Variants in DMRT1 observed in about 807,000 individuals in gnomAD.
DMRT1 encodes the protein doublesex and mab-3 related transcription factor 1.
DMRT1 carries 7 observed loss-of-function variants against 32.3 expected under a neutral mutation model. The ratio of observed to expected loss-of-function variants is 0.22; its 90% CI spans 0.12 to 0.41. The LOEUF is 0.41. Among genes scored for constraint, DMRT1 ranks in the 10% least tolerant of loss-of-function variants. DMRT1 has a pLI of 1.00. For synonymous variants in DMRT1, 278 were observed against 206.1 expected (o/e 1.35, Z -2.99); for missense variants, 625 against 500.5 (o/e 1.25, Z -2.37).
intron 4 of DMRT1, among the ~76,000 whole-genome samples, chr9:919,483 T>C (rs1818288254): frequency 6.6e-6 from 1 of 152,180 alleles, no homozygotes; most frequent in African/African-American, 2.4e-5. Flanking sequence ...TTTAATGCTT[T>C]TCTTTGTAAA....
chr9:895,846 C>T (rs1196445607), intron 3 of DMRT1, among the ~76,000 whole-genome samples: 3 of 148,164 alleles, frequency 2.0e-5, no homozygotes, highest in East Asian at 2.0e-4. Flanking sequence ...TGCTCTGTCA[C>T]CCAGCTGGAG....
chr9:930,505 G>A (rs895196764), intron 4 of DMRT1, among the ~76,000 whole-genome samples: 4 of 151,722 alleles, frequency 2.6e-5, no homozygotes, highest in African/African-American at 7.3e-5. Context: ...TCCGCCTCTC[G>A]GGTTCATGCC....
At chr9:935,247 T>G (rs1221079210) in intron 4 of DMRT1, among the ~76,000 whole-genome samples, 1 of 152,212 alleles carries the variant, frequency 6.6e-6, no homozygotes, top group African/African-American at 2.4e-5. Flanking sequence ...CCCTATATCC[T>G]CTAGTGTCCT....
chr9:906,917 T>C (rs1817797150), intron 3 of DMRT1, among the ~76,000 whole-genome samples: 1 of 152,232 alleles, frequency 6.6e-6, no homozygotes, highest in Non-Finnish European at 1.5e-5. Flanking sequence ...CCAAGTTATT[T>C]GATCTCTCTG....
At chr9:862,270 C>T (rs976391390) in intron 2 of DMRT1, among the ~76,000 whole-genome samples, 1 of 152,308 alleles carries the variant, frequency 6.6e-6, no homozygotes, top group East Asian at 1.9e-4. Flanking sequence ...GAGGCCGAGG[C>T]TGGCAGACCA....
At chr9:873,903 A>T (rs531325086) in intron 2 of DMRT1, among the ~76,000 whole-genome samples, 1 of 152,224 alleles carries the variant, frequency 6.6e-6, no homozygotes, top group Non-Finnish European at 1.5e-5. Flanking sequence ...TACTCCCCCC[A>T]AAATTCAATT....
intron 4 of DMRT1, among the ~76,000 whole-genome samples, chr9:930,651 G>A (rs1011775016): frequency 1.3e-5 from 2 of 151,912 alleles, no homozygotes; most frequent in Non-Finnish European, 2.9e-5. Flanking sequence ...CTCGTGATCT[G>A]CCTGCCTCAG....
At chr9:923,354 TG>T (rs942888316) in intron 4 of DMRT1, among the ~76,000 whole-genome samples, 20 of 152,120 alleles carry the variant, frequency 1.3e-4, no homozygotes, top group African/African-American at 4.8e-4. Context: ...ATTCTGTACG[TG>T]GAATCTGAAT....
Position 893,942 on chromosome 9 carries a change from C to T in DMRT1, c.569C>T (p.Ala190Val), listed in dbSNP as rs1586579008. 6.2e-7 allele frequency: 1 copy of T among 1,614,162 alleles called. No individual in the cohort carries two copies. The highest frequency in any genetic ancestry group is 2.2e-5 in the East Asian group (1 of 44,886). ...EGRMVIQDIP[A>V]VTSRGHVENT... is the part of the protein sequence containing the mutation. Reference sequence around the variant, plus strand: ...CGTATGGTCATCCAGGATATTCCTGCTGTCACCAGCAGAGGGCATGTGGAG... The same window carrying T: ...CGTATGGTCATCCAGGATATTCCTGTTGTCACCAGCAGAGGGCATGTGGAG... Residue 190 changes from alanine to valine, a missense_variant, in exon 3 of 5, where the codon GCT (alanine) becomes GTT (valine). By Grantham distance (64) the Ala-to-Val change is moderately conservative. Around this residue, in one of 3 missense-constraint regions of DMRT1, gnomAD observed 416 missense variants for 321.6 expected, o/e 1.29. Coordinates refer to ENST00000382276, the MANE Select transcript of DMRT1 (RefSeq NM_021951.3).
At chr9:864,200 C>T (rs1815856533) in intron 2 of DMRT1, among the ~76,000 whole-genome samples, 1 of 107,652 alleles carries the variant, frequency 9.3e-6, no homozygotes, top group Non-Finnish European at 1.8e-5. Context: ...ACTTCTTCTT[C>T]TTCTTTTTTT....
chr9:865,576 A>C (rs1193133635), intron 2 of DMRT1, among the ~76,000 whole-genome samples: 1 of 152,198 alleles, frequency 6.6e-6, no homozygotes, highest in African/African-American at 2.4e-5. Context: ...CAGATGAATG[A>C]GCCCGGATAT....
intron 4 of DMRT1, among the ~76,000 whole-genome samples, chr9:918,592 C>G (rs1013752260): frequency 2.6e-5 from 4 of 152,146 alleles, no homozygotes; most frequent in African/African-American, 9.7e-5. Flanking sequence ...ACCTACAATT[C>G]CTTATTACTT....
At chr9:886,341 C>T (rs1317034141) in intron 2 of DMRT1, among the ~76,000 whole-genome samples, 3 of 152,118 alleles carry the variant, frequency 2.0e-5, no homozygotes, top group Admixed American at 6.6e-5. Flanking sequence ...CTGCAACCTC[C>T]GCCTCCTGGG....
intron 3 of DMRT1, among the ~76,000 whole-genome samples, chr9:912,465 T>A (rs910371251): frequency 2.0e-5 from 3 of 152,236 alleles, no homozygotes; most frequent in Non-Finnish European, 2.9e-5. Context: ...TATAAATAAC[T>A]AAATTCCTAT....
chr9:899,387 G>A (rs1292596809), intron 3 of DMRT1, among the ~76,000 whole-genome samples: 1 of 152,126 alleles, frequency 6.6e-6, no homozygotes, highest in African/African-American at 2.4e-5. Context: ...AGCAAGCCAC[G>A]AATAATTACT....
At chr9:948,166 T>C (rs1430589317) in intron 4 of DMRT1, among the ~76,000 whole-genome samples, 3 of 152,302 alleles carry the variant, frequency 2.0e-5, no homozygotes, top group East Asian at 3.9e-4. Context: ...GGGAACACAG[T>C]GGGGAGCTTG....
intron 2 of DMRT1, among the ~76,000 whole-genome samples, chr9:892,450 G>T (rs903780757): frequency 1.3e-5 from 2 of 151,882 alleles, no homozygotes; most frequent in East Asian, 3.9e-4. Flanking sequence ...ACACACCCAG[G>T]CTCCTGCTCT....
At chr9:867,386 G>T (rs1473428484) in intron 2 of DMRT1, among the ~76,000 whole-genome samples, 1 of 152,188 alleles carries the variant, frequency 6.6e-6, no homozygotes, top group Non-Finnish European at 1.5e-5. Context: ...TTTATTCTGT[G>T]CCTCCTAAGC....
At chr9:953,289 A>AT (rs969402222) in intron 4 of DMRT1, among the ~76,000 whole-genome samples, 5 of 152,150 alleles carry the variant, frequency 3.3e-5, no homozygotes, top group African/African-American at 9.6e-5. Flanking sequence ...GAAAAAAAAA[A>AT]GTCTGTGTAT....
Sources: gnomAD v4.1 joint callset for allele counts (sites outside exome capture counted in the v4.1 genomes callset) on GRCh38, gnomAD v4.1.1 for gene constraint, gnomAD v4.1.1 regional missense constraint, MANE v1.5 for transcripts, NCBI Gene and HGNC (gene_info 2026-07-23, HGNC 2026-07-21) for gene names.